EDIL3: variants seen among roughly 807,000 people sequenced by gnomAD.
EDIL3 encodes EGF-like repeat and discoidin I-like domain-containing protein 3.
EDIL3 carries 37 observed loss-of-function variants against 67.4 expected under a neutral mutation model. That is an observed-to-expected ratio of 0.55 (90% CI 0.42 to 0.72). The LOEUF (loss-of-function observed/expected upper bound fraction) is 0.72, where lower values mean the gene tolerates loss of function less well. EDIL3 is among the 30% of genes least tolerant of loss of function. EDIL3 has a pLI of 0.00. For synonymous variants in EDIL3, 195 were observed against 196.3 expected, an observed-to-expected ratio of 0.99 and a Z score of 0.05; for missense variants, 527 against 586.3, an observed-to-expected ratio of 0.90 and a Z score of 1.04.
intron 9 of EDIL3, among the ~76,000 whole-genome samples, chr5:83,980,456 G>A (rs1744951077): frequency 6.6e-6 from 1 of 151,586 alleles, no homozygotes; most frequent in South Asian, 2.1e-4. Context: ...ACTTTGGGAG[G>A]CTGAGATGAG....
At chr5:84,170,059 G>A (rs180938433) in intron 4 of EDIL3, among the ~76,000 whole-genome samples, 51 of 152,270 alleles carry the variant, frequency 3.3e-4, no homozygotes, top group African/African-American at 1.2e-3. Flanking sequence ...ACTGAGTAGG[G>A]AGTTAATAAT....
chr5:84,099,296 A>G (rs1747319255), intron 6 of EDIL3, among the ~76,000 whole-genome samples: 1 of 149,124 alleles, frequency 6.7e-6, no homozygotes, highest in Non-Finnish European at 1.5e-5. Context: ...AGTCAAGACA[A>G]TCCTAAGCAG....
chr5:83,949,075 G>A (rs1183295180), intron 10 of EDIL3, among the ~76,000 whole-genome samples: 2 of 151,768 alleles, frequency 1.3e-5, no homozygotes, highest in Non-Finnish European at 2.9e-5. Flanking sequence ...AAAAAAGTAG[G>A]GGTTTCTGTT....
chr5:84,204,178 TC>T (rs554627418), intron 3 of EDIL3, among the ~76,000 whole-genome samples: 1 of 152,176 alleles, frequency 6.6e-6, no homozygotes, highest in South Asian at 2.1e-4. Context: ...TTCAATTTTT[TC>T]ATTAGAAAGT....
intron 1 of EDIL3, among the ~76,000 whole-genome samples, chr5:84,351,072 C>T (rs548612647): frequency 1.3e-5 from 2 of 152,196 alleles, no homozygotes; most frequent in African/African-American, 2.4e-5. Flanking sequence ...TTGGACAGCA[C>T]AGCTCTAGTC....
chr5:83,951,216 G>C (rs1055353732), intron 10 of EDIL3, among the ~76,000 whole-genome samples: 1 of 151,754 alleles, frequency 6.6e-6, no homozygotes, highest in Non-Finnish European at 1.5e-5. Context: ...CCATTAAAAT[G>C]AATATATGGG....
At chr5:84,030,728 A>G (rs1421078238) in intron 9 of EDIL3, among the ~76,000 whole-genome samples, 3 of 152,144 alleles carry the variant, frequency 2.0e-5, no homozygotes, top group African/African-American at 7.2e-5. Context: ...GGAAGCAATC[A>G]CAGCCTAGTG....
chr5:84,100,732 A>G (rs1747348215), intron 6 of EDIL3, among the ~76,000 whole-genome samples: 2 of 152,120 alleles, frequency 1.3e-5, no homozygotes, highest in Admixed American at 1.3e-4. Flanking sequence ...AAATTAAAAA[A>G]CATCTGATAA....
chr5:83,948,145 G>A (rs1330177239), intron 10 of EDIL3, among the ~76,000 whole-genome samples: 1 of 151,700 alleles, frequency 6.6e-6, no homozygotes, highest in African/African-American at 2.4e-5. Flanking sequence ...TGGTCAAATA[G>A]ATTTTGGATA....
At chr5:84,206,285 T>C (rs1743978310) in intron 3 of EDIL3, among the ~76,000 whole-genome samples, 4 of 152,162 alleles carry the variant, frequency 2.6e-5, no homozygotes, top group Admixed American at 2.6e-4. Flanking sequence ...AGACAGTTTG[T>C]TATAATTTCT....
intron 1 of EDIL3, among the ~76,000 whole-genome samples, chr5:84,286,216 G>T (rs1745803701): frequency 6.6e-6 from 1 of 152,066 alleles, no homozygotes; most frequent in Non-Finnish European, 1.5e-5. Context: ...TTAATTTTGT[G>T]ATAGCATGCA....
At chr5:84,137,517 C>A (rs1748114900) in intron 4 of EDIL3, among the ~76,000 whole-genome samples, 163 bp from the exon 5 acceptor site, 3 of 152,054 alleles carry the variant, frequency 2.0e-5, no homozygotes, top group African/African-American at 4.8e-5. Flanking sequence ...TGCTTAAAAC[C>A]AACAATTTAA....
At chr5:83,962,720 A>T (rs1370672457) in intron 10 of EDIL3, among the ~76,000 whole-genome samples, 1 of 151,614 alleles carries the variant, frequency 6.6e-6, no homozygotes, top group East Asian at 1.9e-4. Flanking sequence ...AAATTGTTCT[A>T]TTTCTAAAAT....
chr5:84,339,399 T>C (rs1430110382), intron 1 of EDIL3, among the ~76,000 whole-genome samples: 1 of 152,174 alleles, frequency 6.6e-6, no homozygotes, highest in Non-Finnish European at 1.5e-5. Flanking sequence ...AAAATATACT[T>C]ACTTTTATCT....
At chr5:84,069,183 ATTG>A (rs900948272) in intron 6 of EDIL3, among the ~76,000 whole-genome samples, 1 of 152,218 alleles carries the variant, frequency 6.6e-6, no homozygotes, top group African/African-American at 2.4e-5. Context: ...TTTCAGAGAA[ATTG>A]TTGTTCCACT....
chr5:84,109,760 T>C (rs543776303), intron 5 of EDIL3, among the ~76,000 whole-genome samples: 9 of 152,198 alleles, frequency 5.9e-5, no homozygotes, highest in African/African-American at 1.9e-4. Context: ...GTCACTTACA[T>C]ATAGTCAAAA....
At chr5:84,097,550 T>C (rs897809678) in intron 6 of EDIL3, among the ~76,000 whole-genome samples, 4 of 152,198 alleles carry the variant, frequency 2.6e-5, no homozygotes, top group African/African-American at 9.6e-5. Context: ...TTTTGTGTTA[T>C]GTTTACCCAG....
intron 1 of EDIL3, 97 bp from the exon 2 acceptor site, chr5:84,254,309 T>G: frequency 7.4e-7 from 1 of 1,352,960 alleles, no homozygotes; most frequent in Non-Finnish European, 9.9e-7. Flanking sequence ...CTTGGCAAAG[T>G]CAAAAGTCAG....
intron 9 of EDIL3, among the ~76,000 whole-genome samples, chr5:84,056,174 G>T (rs953984436): frequency 3.3e-5 from 5 of 152,226 alleles, no homozygotes; most frequent in African/African-American, 1.2e-4. Context: ...CCTTTGTAGG[G>T]ACATGGATGA....
Sources: allele counts gnomAD v4.1 joint callset (sites outside exome capture counted in the v4.1 genomes callset), GRCh38; gene constraint gnomAD v4.1.1; transcripts MANE v1.5; gene names NCBI Gene and HGNC (gene_info 2026-07-23, HGNC 2026-07-21).